The following KIAA1217 variants were observed in gnomAD, a reference collection of about 807,000 sequenced individuals.
KIAA1217 encodes the protein sickle tail protein homolog.
In KIAA1217, 88 loss-of-function variants were observed where a neutral mutation model predicts 163.9. The observed-to-expected ratio is 0.54, with a 90% CI of 0.45 to 0.64. The LOEUF (loss-of-function observed/expected upper bound fraction) is 0.64. KIAA1217 is among the 30% of genes least tolerant of loss of function. The probability of loss-of-function intolerance (pLI) is 0.00; values close to 1 mark genes in which losing one functional copy is unlikely to be tolerated. For missense variants in KIAA1217, 2,372 were observed against 2,475.0 expected, an observed-to-expected ratio of 0.96 and a Z score of 0.88; for synonymous variants, 903 against 923.1, an observed-to-expected ratio of 0.98 and a Z score of 0.39.
intron 1 of KIAA1217, among the ~76,000 whole-genome samples, chr10:23,939,890 CTA>C (rs1229316071): frequency 7.3e-5 from 11 of 150,100 alleles, no homozygotes; most frequent in African/African-American, 2.7e-4. Context: ...TAAATATAAA[CTA>C]TTTATTAAAT....
At chr10:24,379,667 C>A (rs1002314956) in intron 2 of KIAA1217, among the ~76,000 whole-genome samples, 3 of 152,158 alleles carry the variant, frequency 2.0e-5, no homozygotes, top group African/African-American at 7.2e-5. Context: ...GCTAGAGTAT[C>A]AGGCACACCT....
chr10:24,000,137 C>G lies in KIAA1217; in HGVS notation c.-320-7088C>G, dbSNP rs147389310. Among the ~76,000 whole-genome samples the G allele has an allele frequency of 7.5e-3, 1,137 of 152,274 alleles. 9 individuals are homozygous for G. Among genetic ancestry groups the G allele is most frequent in the Non-Finnish European group, 0.012 (822 of 68,016 alleles). The stretch of plus-strand genomic sequence containing the variant: ...CATGGTTCATATATTATCATAATTT[C>G]TAGCATTGTATACTTTTAAAATCCA... On this transcript the variant is annotated intron_variant, in intron 1 of 18. Coordinates refer to the KIAA1217 transcript ENST00000376462.
At chr10:24,407,254 A>T (rs1328861467) in intron 3 of KIAA1217, among the ~76,000 whole-genome samples, 1 of 137,016 alleles carries the variant, frequency 7.3e-6, no homozygotes, top group Admixed American at 7.0e-5. Context: ...CTTGATGAAG[A>T]TACGTGTGTG....
rs76462503 is a variant in KIAA1217 at position 24,046,833 on chromosome 10, T to A, written c.-171+39459T>A. 3.8e-3 allele frequency among the ~76,000 whole-genome samples: 578 copies of A among 152,322 alleles called. 2 individuals carry two copies. The highest frequency in any genetic ancestry group is 0.018 in the East Asian group (91 of 5,176). ...AGCCGGAATTCTAATTCCAGTGGTT[T>A]TGAGCCTTGTACTTGCACATTTCAC... On this transcript the variant is annotated intron_variant, in intron 2 of 18. Transcript: ENST00000376462.
Position 23,918,363 on chromosome 10 carries a change from C to T in KIAA1217, c.-320-88862C>T, listed in dbSNP as rs905082987. Among the ~76,000 whole-genome samples the T allele has an allele frequency of 1.1e-4, 16 of 152,046 alleles. 1 individual carries two copies. Among genetic ancestry groups the T allele is most frequent in the South Asian group, 2.1e-4 (1 of 4,834 alleles). ...AGGCTAATGAGAAATTGGCTCATCT[C>T]CATGTGAAAAATAAACTTTGAAACC... On this transcript the variant is annotated intron_variant, in intron 1 of 18. Coordinates refer to the KIAA1217 transcript ENST00000376462.
chr10:24,185,209 A>C (rs1272932883), intron 2 of KIAA1217, among the ~76,000 whole-genome samples: 1 of 152,282 alleles, frequency 6.6e-6, no homozygotes, highest in East Asian at 1.9e-4. Flanking sequence ...TCACACTTCT[A>C]CTACATAAGT....
chr10:24,240,079 G>GT (rs888324635), intron 2 of KIAA1217, among the ~76,000 whole-genome samples: 30 of 151,960 alleles, frequency 2.0e-4, no homozygotes, highest in Non-Finnish European at 3.7e-4. Flanking sequence ...GAGTATGAGG[G>GT]TTTTTTTTGT....
intron 2 of KIAA1217, among the ~76,000 whole-genome samples, chr10:24,239,987 A>G (rs1202751376): frequency 2.0e-5 from 3 of 152,192 alleles, no homozygotes. Context: ...AAGATAGATA[A>G]AGACTTCTTG....
chr10:24,044,093 G>A (rs936157836), intron 2 of KIAA1217, among the ~76,000 whole-genome samples: 10 of 152,266 alleles, frequency 6.6e-5, no homozygotes, highest in African/African-American at 4.8e-5. Context: ...GATACTGGCA[G>A]CAGGACTGGA....
intron 14 of KIAA1217, among the ~76,000 whole-genome samples, chr10:24,530,737 A>C (rs1199368696): frequency 1.3e-5 from 2 of 152,098 alleles, no homozygotes; most frequent in Admixed American, 1.3e-4. Context: ...CCTCTTTACA[A>C]AAATTAAAAA....
At chr10:23,940,478 A>G (rs947417488) in intron 1 of KIAA1217, among the ~76,000 whole-genome samples, 88 of 150,648 alleles carry the variant, frequency 5.8e-4, no homozygotes, top group South Asian at 2.7e-3. Flanking sequence ...AAAAAAAAAA[A>G]AAAAAAGAAA....
intron 2 of KIAA1217, among the ~76,000 whole-genome samples, chr10:24,015,882 G>A (rs943655281): frequency 6.6e-6 from 1 of 151,734 alleles, no homozygotes; most frequent in African/African-American, 2.4e-5. Flanking sequence ...GTACTGGGAT[G>A]TGCCCTCTTC....
chr10:23,942,519 C>T (rs1262480333), intron 1 of KIAA1217, among the ~76,000 whole-genome samples: 2 of 152,166 alleles, frequency 1.3e-5, no homozygotes, highest in Non-Finnish European at 2.9e-5. Flanking sequence ...TAACAAACAA[C>T]TTCAGTGGAG....
chr10:24,418,146 A>T (rs1265844332), intron 3 of KIAA1217, among the ~76,000 whole-genome samples: 3 of 150,090 alleles, frequency 2.0e-5, no homozygotes, highest in Non-Finnish European at 4.4e-5. Context: ...TTTTGTAGAG[A>T]TCATCTCATC....
chr10:24,179,924 T>C (rs2066089507), intron 2 of KIAA1217, among the ~76,000 whole-genome samples: 1 of 152,226 alleles, frequency 6.6e-6, no homozygotes, highest in Non-Finnish European at 1.5e-5. Context: ...AACAGACTAA[T>C]ACAGCTTCTA....
intron 6 of KIAA1217, among the ~76,000 whole-genome samples, chr10:24,479,569 A>AG: frequency 6.6e-6 from 1 of 152,280 alleles, no homozygotes; most frequent in South Asian, 2.1e-4. Flanking sequence ...AATTTGCTGT[A>AG]GGGGGCTGTC....
rs571891471 is a variant in KIAA1217, at chr10:24,426,913, C to T, written c.554-6082C>T. ...GAGTTGAGGTCACATGGTGAATATC[C>T]TTGGATACCATGTTGAGATAAAGAT... is the stretch of plus-strand genomic sequence containing the variant. On this transcript the variant is annotated intron_variant, in intron 3 of 20. Coordinates refer to ENST00000376454, the MANE Select transcript of KIAA1217 (RefSeq NM_019590.5). 2.6e-5 allele frequency among the ~76,000 whole-genome samples: 4 copies of T among 152,244 alleles called. No homozygotes were observed. In the South Asian group the frequency reaches 8.3e-4, roughly 32 times the overall value.
chr10:24,251,856 TAAAAAAAAA>T (rs34540873), intron 2 of KIAA1217, among the ~76,000 whole-genome samples: 3 of 119,742 alleles, frequency 2.5e-5, no homozygotes, highest in Non-Finnish European at 1.7e-5. Context: ...CTGCATCTGT[TAAAAAAAAA>T]AAAAAAAAAA....
chr10:24,314,031 G>T (rs889878212), intron 2 of KIAA1217, among the ~76,000 whole-genome samples: 1 of 151,604 alleles, frequency 6.6e-6, no homozygotes, highest in Non-Finnish European at 1.5e-5. Flanking sequence ...GTAGAGATGG[G>T]GTTTCTCTAT....
Sources: gnomAD v4.1 joint callset for allele counts (sites outside exome capture counted in the v4.1 genomes callset) on GRCh38, gnomAD v4.1.1 for gene constraint, MANE v1.5 for transcripts, NCBI Gene and HGNC (gene_info 2026-07-23, HGNC 2026-07-21) for gene names.